NBEAL1: variants seen among roughly 807,000 people sequenced by gnomAD.
The protein encoded by NBEAL1 is neurobeachin-like protein 1.
In NBEAL1, 273 loss-of-function variants were observed where a neutral mutation model predicts 351.3. The observed-to-expected ratio is 0.78, with a 90% CI of 0.70 to 0.86. NBEAL1 has a LOEUF of 0.86. Among genes scored for constraint, NBEAL1 ranks in the 40% least tolerant of loss-of-function variants. The probability of loss-of-function intolerance (pLI) is 0.00; values close to 1 mark genes in which losing one functional copy is unlikely to be tolerated. For synonymous variants in NBEAL1, 1,050 were observed against 1,086.4 expected (o/e 0.97, Z 0.66); for missense variants, 2,961 against 3,201.3 (o/e 0.92, Z 1.81).
intron 2 of NBEAL1, among the ~76,000 whole-genome samples, chr2:203,026,695 A>G (rs1343014472): frequency 3.3e-5 from 5 of 152,014 alleles, no homozygotes; most frequent in Non-Finnish European, 7.4e-5. Context: ...TTGTATTTTT[A>G]GTAGAGACAG....
chr2:203,180,343 T>G, intron 42 of NBEAL1, 39 bp from the exon 43 acceptor site: 1 of 1,576,926 alleles, frequency 6.3e-7, no homozygotes, highest in South Asian at 1.2e-5. Flanking sequence ...GTTGTTGATT[T>G]CATTCAATAT....
At chr2:203,037,487 A>G (rs2061058853) in intron 2 of NBEAL1, among the ~76,000 whole-genome samples, 2 of 149,258 alleles carry the variant, frequency 1.3e-5, no homozygotes, top group African/African-American at 4.9e-5. Flanking sequence ...ATTAAAATGC[A>G]CAGATTTTAA....
chr2:203,171,939 CAGAG>C lies in NBEAL1; in HGVS notation c.6118_6121del (p.Glu2040TyrfsTer10). On this transcript the variant is annotated frameshift_variant, in exon 40 of 56. Transcript: ENST00000683969. LOFTEE classifies it high-confidence loss of function. ...TTTGTGCTGTCTAGAAATGGGTAAA[CAGAG>C]AGATATCAAATTTTGACTACCTCAT... 6.3e-7 allele frequency: 1 copy of C among 1,591,702 alleles called. No individual in the cohort carries two copies. The highest frequency in any genetic ancestry group is 1.1e-5 in the South Asian group (1 of 87,968).
Position 203,130,416 on chromosome 2 carries a change from A to G in NBEAL1, c.3504A>G (p.Ile1168Met), listed in dbSNP as rs769704896. The G allele has an allele frequency of 6.6e-7, 1 of 1,521,646 alleles. No homozygotes were observed. Among genetic ancestry groups the G allele is most frequent in the Non-Finnish European group, 8.8e-7 (1 of 1,136,620 alleles). 94.3% of individuals were successfully genotyped at this position (1,521,646 alleles called of 1,614,324 possible). ...LLLFEPGNAD[I>M]LYALLLNQKY... ...TTTTTGAACCAGGAAATGCTGACAT[A>G]CTGTACGCATTGCTCTTAAATCAGA... The change falls in exon 25 of 56, where the codon ATA (isoleucine) becomes ATG (methionine). Residue 1168 changes from isoleucine to methionine, a missense_variant. By Grantham distance (10) the Ile-to-Met change is conservative. Coordinates refer to ENST00000683969, the MANE Select transcript of NBEAL1 (RefSeq NM_001378026.1).
At chr2:203,108,507 TCCTG>T (rs906592774) in intron 14 of NBEAL1, among the ~76,000 whole-genome samples, 13 of 152,036 alleles carry the variant, frequency 8.6e-5, no homozygotes, top group African/African-American at 3.1e-4. Flanking sequence ...CACGCCATTA[TCCTG>T]CCTTAGCCTC....
At position 203,083,364 on chromosome 2, in the gene NBEAL1, A is replaced by T. The variant is rs778890351; in HGVS notation, c.830A>T (p.His277Leu). The T allele has an allele frequency of 6.4e-7, 1 of 1,555,202 alleles. No homozygotes were observed. The highest frequency in any genetic ancestry group is 1.2e-5 in the South Asian group (1 of 84,360). Residue 277 changes from histidine (H) to leucine (L), a missense_variant, in exon 9 of 56, where the codon CAT becomes CTT. His to Leu is a moderately conservative substitution (Grantham distance 99). Transcript: ENST00000683969. Reference protein sequence around the residue: ...LTLKCLTEVVHILLSSNSDQR... With the variant: ...LTLKCLTEVVLILLSSNSDQR... ...CTGAAGTGCCTTACAGAAGTGGTAC[A>T]TATCCTTCTCAGTAGCAACTCTGAT...
chr2:203,197,741 C>T (rs1046630077), intron 48 of NBEAL1, among the ~76,000 whole-genome samples: 2 of 152,048 alleles, frequency 1.3e-5, no homozygotes, highest in Non-Finnish European at 2.9e-5. Flanking sequence ...AACCCTGTCT[C>T]TACTAAAAAT....
chr2:203,102,712 T>G (rs2062352468), intron 12 of NBEAL1, among the ~76,000 whole-genome samples: 1 of 152,224 alleles, frequency 6.6e-6, no homozygotes, highest in South Asian at 2.1e-4. Context: ...TGTTTGCTAA[T>G]GTTTTGTTGA....
At chr2:203,090,473 G>T (rs1276185984) in intron 10 of NBEAL1, among the ~76,000 whole-genome samples, 3 of 151,984 alleles carry the variant, frequency 2.0e-5, no homozygotes, top group East Asian at 1.9e-4. Flanking sequence ...TACTTTTAAG[G>T]TAAAGCTTAT....
chr2:203,107,108 C>T (rs2062456038), intron 12 of NBEAL1, among the ~76,000 whole-genome samples: 1 of 151,966 alleles, frequency 6.6e-6, no homozygotes, highest in Non-Finnish European at 1.5e-5. Flanking sequence ...AATTACAAAT[C>T]AAGTGAAGAA....
At chr2:203,107,580 A>C in intron 13 of NBEAL1, 28 bp from the exon 14 acceptor site, 1 of 1,544,362 alleles carries the variant, frequency 6.5e-7, no homozygotes, top group Non-Finnish European at 8.8e-7. Flanking sequence ...ATGATAACTA[A>C]CCTTTTATCT....
Position 203,125,940 on chromosome 2 carries a change from A to G in NBEAL1, c.2852-20A>G. ...GTGATTAGAGAAATTATGATAATTAATATGTTCCTGATTCTACAGAGTCAA... is the reference window on the plus strand; with the variant it reads ...GTGATTAGAGAAATTATGATAATTAGTATGTTCCTGATTCTACAGAGTCAA... On this transcript the variant is annotated intron_variant, in intron 20 of 55. Coordinates refer to ENST00000683969, the MANE Select transcript of NBEAL1 (RefSeq NM_001378026.1). 2 of 1,484,822 alleles carry G rather than the reference A, an allele frequency of 1.3e-6. No homozygotes were observed. Among genetic ancestry groups the G allele is most frequent in the Non-Finnish European group, 1.8e-6 (2 of 1,116,832 alleles). The allele number at this position is 1,484,822 out of a possible 1,614,324, so 92.0% of individuals were successfully genotyped here. A position where few individuals can be genotyped will look rare whatever the true frequency, so the allele number is the denominator to read the frequency against.
intron 35 of NBEAL1, among the ~76,000 whole-genome samples, chr2:203,155,415 CTTCT>C (rs1278501311): frequency 6.6e-6 from 1 of 150,890 alleles, no homozygotes; most frequent in African/African-American, 2.4e-5. Context: ...TATTTCTTTC[CTTCT>C]TTCTTTTCCT....
chr2:203,040,366 A>G (rs986425875), intron 2 of NBEAL1: 10 of 712,206 alleles, frequency 1.4e-5, no homozygotes, highest in East Asian at 2.5e-5. Context: ...TAAACATGCC[A>G]TGGCCTTTGT....
rs1559344804 is a variant in NBEAL1 at position 203,069,789 on chromosome 2, C to G, written c.598+1314C>G. Among the ~76,000 whole-genome samples the G allele has an allele frequency of 2.0e-5, 3 of 152,012 alleles. No homozygotes were observed. In the East Asian group the frequency reaches 5.8e-4, roughly 29 times the overall value. On this transcript the variant is annotated intron_variant, in intron 7 of 55. Coordinates refer to ENST00000683969, the MANE Select transcript of NBEAL1 (RefSeq NM_001378026.1). ...CCTCTCACCTCAACCTCCCAAATAC[C>G]TAGGACTACAGGTATGTGCCACCAT...
intron 12 of NBEAL1, 94 bp downstream of exon 12, chr2:203,099,806 T>G (rs1052863750): frequency 1.3e-6 from 1 of 773,640 alleles, no homozygotes; most frequent in African/African-American, 1.8e-5. Context: ...GTAAATTGGA[T>G]ATCATGGGGA....
chr2:203,193,095 T>G (rs1429567337), intron 46 of NBEAL1, among the ~76,000 whole-genome samples: 3 of 148,716 alleles, frequency 2.0e-5, no homozygotes, highest in African/African-American at 7.4e-5. Flanking sequence ...CCTCAGCCTC[T>G]CAAGTAGCTG....
At position 203,220,728 on chromosome 2, in the gene NBEAL1, C is replaced by T. The variant is rs961354673; in HGVS notation, c.*3374C>T. ...GTTTGCAATCAGTATTCTGGCATTA[C>T]TCAGATAAAATTGTAAGAGAGAAAG... On this transcript the variant is annotated 3_prime_UTR_variant, in exon 56 of 56. Transcript: ENST00000683969. 2.0e-5 allele frequency among the ~76,000 whole-genome samples: 3 copies of T among 152,102 alleles called. No individual in the cohort carries two copies. The South Asian group carries it at 6.2e-4, about 32-fold the overall frequency.
At position 203,070,895 on chromosome 2, in the gene NBEAL1, G is replaced by A. The variant is rs72934516; in HGVS notation, c.598+2420G>A. ...TACAGTTGAACACGAGATTTCAGTG[G>A]GGGCATAGATCCAAACCATATCAGC... is the stretch of plus-strand genomic sequence containing the variant. On this transcript the variant is annotated intron_variant, in intron 7 of 55. Coordinates refer to ENST00000683969, the MANE Select transcript of NBEAL1 (RefSeq NM_001378026.1). Among the ~76,000 whole-genome samples, 1,088 of 152,184 alleles carry A rather than the reference G, an allele frequency of 7.1e-3. 5 individuals carry two copies. The highest frequency in any genetic ancestry group is 0.051 in the Middle Eastern group (15 of 294).
Sources: allele counts gnomAD v4.1 joint callset (sites outside exome capture counted in the v4.1 genomes callset), GRCh38; gene constraint gnomAD v4.1.1; transcripts MANE v1.5; gene names NCBI Gene and HGNC (gene_info 2026-07-23, HGNC 2026-07-21).